NBEA: variants seen among roughly 807,000 people sequenced by gnomAD.
NBEA encodes the protein lysosomal-trafficking regulator 2.
A neutral mutation model predicts 343.4 loss-of-function variants in NBEA; 44 were observed. That is an observed-to-expected ratio of 0.13 (90% CI 0.10 to 0.16). NBEA has a LOEUF of 0.16. NBEA is among the 10% of genes least tolerant of loss of function. The pLI is 1.00. For missense variants in NBEA, 2,555 were observed against 3,631.3 expected (o/e 0.70, Z 7.62); for synonymous variants, 1,175 against 1,238.7 (o/e 0.95, Z 1.08).
chr13:35,313,758 G>C (rs1395947355), intron 36 of NBEA, among the ~76,000 whole-genome samples: 1 of 152,100 alleles, frequency 6.6e-6, no homozygotes, highest in Non-Finnish European at 1.5e-5. Flanking sequence ...ACTGAGAGAG[G>C]TATTTTTTGA....
intron 41 of NBEA, among the ~76,000 whole-genome samples, chr13:35,487,273 T>C (rs2076337520): frequency 6.6e-6 from 1 of 151,990 alleles, no homozygotes; most frequent in African/African-American, 2.4e-5. Context: ...CTATTTTATG[T>C]ACTGATTAGT....
At chr13:35,444,336 T>G (rs1036136538) in intron 39 of NBEA, among the ~76,000 whole-genome samples, 3 of 152,016 alleles carry the variant, frequency 2.0e-5, no homozygotes, top group Admixed American at 6.6e-5. Flanking sequence ...AAAGCACTGG[T>G]CTGAAAAGGT....
chr13:35,142,397 G>A lies in NBEA; in HGVS notation c.2445+20G>A. Reference sequence around the variant, plus strand: ...TATGAGGTAAAAATAAAAAATGTGTGATGAAAGTTTTAAGTGTATACAGTG... The same window carrying A: ...TATGAGGTAAAAATAAAAAATGTGTAATGAAAGTTTTAAGTGTATACAGTG... On this transcript the variant is annotated intron_variant, in intron 18 of 58. Transcript: ENST00000379939. The A allele has an allele frequency of 6.3e-7, 1 of 1,577,646 alleles. No individual in the cohort carries two copies. The highest frequency in any genetic ancestry group is 8.7e-7 in the Non-Finnish European group (1 of 1,148,416).
intron 41 of NBEA, among the ~76,000 whole-genome samples, chr13:35,545,358 C>T (rs1448094106): frequency 6.6e-6 from 1 of 152,162 alleles, no homozygotes; most frequent in Non-Finnish European, 1.5e-5. Flanking sequence ...CCACATGCCT[C>T]CCTAGCGCTG....
chr13:35,055,325 A>G (rs1354063923), intron 6 of NBEA, among the ~76,000 whole-genome samples: 1 of 152,104 alleles, frequency 6.6e-6, no homozygotes, highest in Non-Finnish European at 1.5e-5. Context: ...GATACTTAAA[A>G]TGCTTTTTGA....
chr13:35,392,692 G>T (rs910824551), intron 38 of NBEA, among the ~76,000 whole-genome samples: 1 of 152,120 alleles, frequency 6.6e-6, no homozygotes, highest in Non-Finnish European at 1.5e-5. Flanking sequence ...CATAAGAACC[G>T]TGCTAACGGT....
chr13:35,471,761 G>A (rs188031442), intron 40 of NBEA, among the ~76,000 whole-genome samples: 211 of 152,224 alleles, frequency 1.4e-3, no homozygotes, highest in Non-Finnish European at 2.2e-3. Flanking sequence ...CATCACTTTT[G>A]ATATATTCTC....
At chr13:35,415,400 T>C (rs2043844316) in intron 38 of NBEA, among the ~76,000 whole-genome samples, 1 of 152,218 alleles carries the variant, frequency 6.6e-6, no homozygotes, top group Non-Finnish European at 1.5e-5. Flanking sequence ...CATCTTGAAT[T>C]AATTTTTGTA....
chr13:35,340,388 A>G (rs2039522508), intron 36 of NBEA, among the ~76,000 whole-genome samples: 1 of 152,120 alleles, frequency 6.6e-6, no homozygotes, highest in African/African-American at 2.4e-5. Flanking sequence ...TTCCACTTGT[A>G]TGAGGTACCC....
chr13:34,960,558 T>C (rs2059630351), intron 1 of NBEA, among the ~76,000 whole-genome samples: 1 of 152,124 alleles, frequency 6.6e-6, no homozygotes. Context: ...GCTCCATTCA[T>C]GTTAAGTGTT....
At chr13:35,419,867 A>G (rs886235751) in intron 38 of NBEA, among the ~76,000 whole-genome samples, 2 of 152,026 alleles carry the variant, frequency 1.3e-5, no homozygotes, top group African/African-American at 4.8e-5. Context: ...CCCACAGTAT[A>G]GTAGGGTATA....
chr13:35,015,813 A>G (rs1262200574), intron 1 of NBEA, among the ~76,000 whole-genome samples: 1 of 152,130 alleles, frequency 6.6e-6, no homozygotes, highest in Non-Finnish European at 1.5e-5. Context: ...AGTGTGCTCT[A>G]TTTGAGAACT....
At chr13:35,083,690 AC>A (rs1238607862) in intron 10 of NBEA, among the ~76,000 whole-genome samples, 1 of 152,158 alleles carries the variant, frequency 6.6e-6, no homozygotes, top group Non-Finnish European at 1.5e-5. Context: ...CTAGGAAGAA[AC>A]TGCATCAACT....
intron 33 of NBEA, among the ~76,000 whole-genome samples, chr13:35,226,685 T>G (rs1259076495): frequency 9.6e-6 from 1 of 104,694 alleles, no homozygotes; most frequent in South Asian, 3.3e-4. Flanking sequence ...GTTCTACATC[T>G]TTTTTTTTTT....
At chr13:35,469,648 T>G (rs2075554584) in intron 40 of NBEA, among the ~76,000 whole-genome samples, 2 of 152,182 alleles carry the variant, frequency 1.3e-5, no homozygotes, top group South Asian at 4.1e-4. Context: ...GACATTATAA[T>G]TTATTCTTTT....
chr13:35,497,052 A>T (rs1007053195), intron 41 of NBEA, among the ~76,000 whole-genome samples: 1 of 152,068 alleles, frequency 6.6e-6, no homozygotes, highest in African/African-American at 2.4e-5. Context: ...GCTTAGTTAG[A>T]TATGTAGATG....
intron 34 of NBEA, among the ~76,000 whole-genome samples, chr13:35,277,648 A>AGG (rs71078088): frequency 0.028 from 3,644 of 128,710 alleles, 103 homozygotes; most frequent in South Asian, 0.048. Flanking sequence ...AAAAAAAAAA[A>AGG]GTGGGGGAAA....
chr13:35,470,847 A>G (rs1310276541), intron 40 of NBEA, among the ~76,000 whole-genome samples: 2 of 152,236 alleles, frequency 1.3e-5, no homozygotes, highest in African/African-American at 4.8e-5. Flanking sequence ...TTGTAATCGT[A>G]CAAGAGATTC....
At chr13:35,634,873 A>G (rs772147363) in intron 49 of NBEA, among the ~76,000 whole-genome samples, 2 of 152,156 alleles carry the variant, frequency 1.3e-5, no homozygotes, top group Admixed American at 6.5e-5. Flanking sequence ...TGGATCGGCT[A>G]TGGTGAAAAT....
Sources: gnomAD v4.1 joint callset for allele counts (sites outside exome capture counted in the v4.1 genomes callset) on GRCh38, gnomAD v4.1.1 for gene constraint, MANE v1.5 for transcripts, NCBI Gene and HGNC (gene_info 2026-07-23, HGNC 2026-07-21) for gene names.